AQR: variants seen among roughly 807,000 people sequenced by gnomAD.
AQR encodes RNA helicase aquarius.
AQR carries 61 observed loss-of-function variants against 180.5 expected under a neutral mutation model. The observed-to-expected ratio is 0.34, with a 90% CI of 0.28 to 0.42. The LOEUF is 0.42. Among genes scored for constraint, AQR ranks in the 10% least tolerant of loss-of-function variants. The pLI, the probability that AQR is intolerant of heterozygous loss-of-function variation, is 1.00. For missense variants in AQR, 1,281 were observed against 1,798.3 expected, an observed-to-expected ratio of 0.71 and a Z score of 5.20; for synonymous variants, 551 against 588.8, an observed-to-expected ratio of 0.94 and a Z score of 0.93.
At chr15:34,918,482 C>G (rs953271299) in intron 14 of AQR, 104 bp from the exon 15 acceptor site, 2 of 1,340,418 alleles carry the variant, frequency 1.5e-6, no homozygotes, top group Non-Finnish European at 2.0e-6. Flanking sequence ...TGTAGCAGTT[C>G]AACAAGCGAT....
intron 1 of AQR, among the ~76,000 whole-genome samples, chr15:34,966,024 AAT>A (rs1439227409): frequency 6.6e-6 from 1 of 152,186 alleles, no homozygotes; most frequent in Non-Finnish European, 1.5e-5. Flanking sequence ...TAATGTCTCA[AAT>A]ATCACGATCT....
At chr15:34,926,964 G>C in intron 13 of AQR, 71 bp downstream of exon 13, 1 of 889,350 alleles carries the variant, frequency 1.1e-6, no homozygotes, top group Non-Finnish European at 1.7e-6. Context: ...ATGATTAAAA[G>C]CAATAAAGAA....
In AQR at chr15:34,876,014, A is replaced by G; in HGVS notation, c.3166-8T>C. On this transcript the variant is annotated splice_polypyrimidine_tract_variant and splice_region_variant and intron_variant, in intron 27 of 34. Coordinates refer to ENST00000156471, the MANE Select transcript of AQR (RefSeq NM_014691.3). ...CATCAAAATGTTGTCATACTAAGAAAGAGGAAATCTTGTCATAAAGACAGC... is the reference window on the plus strand; with the variant it reads ...CATCAAAATGTTGTCATACTAAGAAGGAGGAAATCTTGTCATAAAGACAGC... 1 of 1,607,204 alleles carries G rather than the reference A, an allele frequency of 6.2e-7. No homozygotes were observed. The highest frequency in any genetic ancestry group is 8.5e-7 in the Non-Finnish European group (1 of 1,175,388).
chr15:34,933,232 GAAGT>G (rs1383814413), intron 10 of AQR, among the ~76,000 whole-genome samples: 4 of 152,176 alleles, frequency 2.6e-5, no homozygotes, highest in African/African-American at 9.7e-5. Flanking sequence ...TCAGAAGTTA[GAAGT>G]TAGTTACTGG....
At chr15:34,956,861 T>C (rs1894327637) in intron 3 of AQR, among the ~76,000 whole-genome samples, 3 of 152,176 alleles carry the variant, frequency 2.0e-5, no homozygotes, top group Middle Eastern at 3.2e-3. Context: ...TGGGAATAAA[T>C]GAGCTAGATG....
Position 34,867,510 on chromosome 15 carries a change from T to A in AQR, c.3854+14A>T. 1 of 1,606,412 alleles carries A rather than the reference T, an allele frequency of 6.2e-7. No individual in the cohort carries two copies. The highest frequency in any genetic ancestry group is 8.5e-7 in the Non-Finnish European group (1 of 1,173,658). On this transcript the variant is annotated intron_variant, in intron 32 of 34. Transcript: ENST00000156471. ...AAAGTTCAATAAATATTATGAAAGT[T>A]TTTTCCTACGTACCTCAGATGGCCC...
rs780893253 is a variant in AQR, at chr15:34,944,401, G to A, written c.358C>T (p.Pro120Ser). ...EIFKKKPDHFPFFFKHILKAA... is the reference protein window; with the variant it reads ...EIFKKKPDHFSFFFKHILKAA... ...TTCAAGATGTGTTTAAAAAAGAATGGGAAGTGGTCTGGCTTCTTCTTAAAA... is the reference window on the plus strand; with the variant it reads ...TTCAAGATGTGTTTAAAAAAGAATGAGAAGTGGTCTGGCTTCTTCTTAAAA... The change falls in exon 6 of 35, where the codon CCA becomes TCA. Residue 120 changes from proline to serine, a missense_variant. Physicochemically the swap from Pro to Ser is moderately conservative, Grantham distance 74 (BLOSUM62 -1). Around this residue, in one of 9 missense-constraint regions of AQR, gnomAD observed 404 missense variants for 490.9 expected, o/e 0.82. Transcript: ENST00000156471. 3 of 1,604,150 alleles carry A rather than the reference G, an allele frequency of 1.9e-6. No individual in the cohort carries two copies.
intron 1 of AQR, among the ~76,000 whole-genome samples, chr15:34,968,014 T>C (rs888975415): frequency 3.3e-5 from 5 of 151,976 alleles, no homozygotes; most frequent in Non-Finnish European, 5.9e-5. Context: ...GGTTTCTCCA[T>C]GTTGGTCAGG....
At chr15:34,898,729 A>G (rs939456661) in intron 20 of AQR, among the ~76,000 whole-genome samples, 2 of 151,288 alleles carry the variant, frequency 1.3e-5, no homozygotes, top group African/African-American at 4.9e-5. Flanking sequence ...CTAAAAATAC[A>G]AAAAATTAGC....
intron 22 of AQR, among the ~76,000 whole-genome samples, chr15:34,896,140 CAG>C (rs2140474245): frequency 6.6e-6 from 1 of 152,246 alleles, no homozygotes; most frequent in South Asian, 2.1e-4. Context: ...TGTAAAGAGC[CAG>C]AGAGGAAGCA....
Position 34,932,324 on chromosome 15 carries a change from A to G in AQR, c.894T>C (p.Phe298=). 6.2e-7 allele frequency: 1 copy of G among 1,607,262 alleles called. No homozygotes were observed. The highest frequency in any genetic ancestry group is 8.5e-7 in the Non-Finnish European group (1 of 1,173,806). ...CAGATACATCAATATTCACCTGGGA[A>G]AAAAGATGGCCATCCTCTTCTCTAC... The part of the protein sequence containing the change: ...LVRREEDGHL[F]SQLLDMLKFY... Residue 298 remains phenylalanine (F), a synonymous_variant, in exon 11 of 35, where the codon TTT becomes TTC. Coordinates refer to ENST00000156471, the MANE Select transcript of AQR (RefSeq NM_014691.3).
chr15:34,884,896 G>A (rs989982487), intron 25 of AQR, among the ~76,000 whole-genome samples, 162 bp from the exon 26 acceptor site: 1 of 152,124 alleles, frequency 6.6e-6, no homozygotes, highest in Non-Finnish European at 1.5e-5. Flanking sequence ...GTAACTGACA[G>A]ATTGCTCTTC....
chr15:34,896,500 C>T (rs372947875), intron 22 of AQR, among the ~76,000 whole-genome samples: 6 of 148,264 alleles, frequency 4.0e-5, no homozygotes, highest in African/African-American at 7.5e-5. Context: ...TGAAATAGAA[C>T]GCATTCTAAA....
At chr15:34,937,609 C>G (rs1303719953) in intron 9 of AQR, among the ~76,000 whole-genome samples, 1 of 152,052 alleles carries the variant, frequency 6.6e-6, no homozygotes, top group Non-Finnish European at 1.5e-5. Context: ...ATTGGCCAAG[C>G]GTGGTGGCTC....
chr15:34,919,780 A>G (rs1288062408), intron 14 of AQR, among the ~76,000 whole-genome samples: 1 of 151,946 alleles, frequency 6.6e-6, no homozygotes, highest in Admixed American at 6.6e-5. Context: ...CATCTGTAAT[A>G]CCAGCTACTC....
chr15:34,904,651 C>CA, intron 18 of AQR, 146 bp from the exon 19 acceptor site: 3 of 668,704 alleles, frequency 4.5e-6, no homozygotes, highest in Non-Finnish European at 7.2e-6. Flanking sequence ...GCCCTCCACT[C>CA]ACCCACTTCA....
intron 20 of AQR, among the ~76,000 whole-genome samples, chr15:34,899,983 C>A (rs77957615): frequency 6.6e-6 from 1 of 152,056 alleles, no homozygotes; most frequent in Admixed American, 6.5e-5. Context: ...GACTTAAACG[C>A]CTGGGTTCAC....
intron 3 of AQR, among the ~76,000 whole-genome samples, chr15:34,957,136 C>A (rs2140506139): frequency 6.8e-6 from 1 of 146,548 alleles, no homozygotes; most frequent in Middle Eastern, 3.4e-3. Flanking sequence ...CAGGACCTAG[C>A]CTAAAAAACT....
chr15:34,948,564 G>A (rs1335839885), intron 4 of AQR, among the ~76,000 whole-genome samples, 180 bp from the exon 5 acceptor site: 1 of 152,096 alleles, frequency 6.6e-6, no homozygotes, highest in Non-Finnish European at 1.5e-5. Flanking sequence ...AGCACTTTGG[G>A]AGGCCGAGAC....
Sources: allele counts gnomAD v4.1 joint callset (sites outside exome capture counted in the v4.1 genomes callset), GRCh38; gene constraint gnomAD v4.1.1; regional missense constraint gnomAD v4.1.1; transcripts MANE v1.5; gene names NCBI Gene and HGNC (gene_info 2026-07-23, HGNC 2026-07-21).